ACACB: variants seen among roughly 807,000 people sequenced by gnomAD.
The protein encoded by ACACB is acetyl-CoA carboxylase beta.
Under a neutral mutation model 278.8 loss-of-function variants are expected in ACACB, and 209 were observed. The ratio of observed to expected loss-of-function variants is 0.75; its 90% CI spans 0.67 to 0.84. The LOEUF is 0.84. ACACB is among the 40% of genes least tolerant of loss of function. The pLI is 0.00. For synonymous variants in ACACB, 1,174 were observed against 1,285.6 expected, an observed-to-expected ratio of 0.91 and a Z score of 1.86; for missense variants, 2,850 against 3,269.0, an observed-to-expected ratio of 0.87 and a Z score of 3.13.
In ACACB at chr12:109,210,170, T is replaced by C. The variant is rs111219731; in HGVS notation, c.3249+817T>C. Among the ~76,000 whole-genome samples, 15 of 52,724 alleles carry C rather than the reference T, an allele frequency of 2.8e-4. 3 individuals are homozygous for C. The highest frequency in any genetic ancestry group is 1.2e-4 in the Non-Finnish European group (3 of 25,148). The allele number at this position is 52,724 out of a possible 152,430, so 34.6% of individuals were successfully genotyped here. On this transcript the variant is annotated intron_variant, in intron 21 of 52. Coordinates refer to ENST00000338432, the MANE Select transcript of ACACB (RefSeq NM_001093.4). Reference sequence around the variant, plus strand: ...ATATATACACACGTGTGTATATGTATATATGTATATATACACACGTGTGTA... The same window carrying C: ...ATATATACACACGTGTGTATATGTACATATGTATATATACACACGTGTGTA...
intron 9 of ACACB, among the ~76,000 whole-genome samples, chr12:109,178,445 G>T (rs2044347339): frequency 6.6e-6 from 1 of 152,172 alleles, no homozygotes; most frequent in African/African-American, 2.4e-5. Flanking sequence ...TTCATTCAAA[G>T]AAACTTTCTC....
intron 11 of ACACB, among the ~76,000 whole-genome samples, chr12:109,183,417 T>TG (rs2044546952): frequency 6.6e-6 from 1 of 152,242 alleles, no homozygotes; most frequent in Non-Finnish European, 1.5e-5. Context: ...ACCATGAACA[T>TG]GGAATATCTT....
At chr12:109,142,025 A>G (rs575131493) in intron 2 of ACACB, among the ~76,000 whole-genome samples, 2 of 152,260 alleles carry the variant, frequency 1.3e-5, no homozygotes, top group African/African-American at 4.8e-5. Flanking sequence ...AGGCAGGAGG[A>G]TCGCTTGAGG....
In ACACB at chr12:109,216,935, G is replaced by A. The variant is rs776624777; in HGVS notation, c.3564+15G>A. 3 of 1,611,828 alleles carry A rather than the reference G, an allele frequency of 1.9e-6. No individual in the cohort carries two copies. The South Asian group carries it at 3.3e-5, about 18-fold the overall frequency. Reference sequence around the variant, plus strand: ...TCATGTTGATCGTAAGCAGGAAGAGGGCCTGTTACTAGACTGGGGGTGGGT... The same window carrying A: ...TCATGTTGATCGTAAGCAGGAAGAGAGCCTGTTACTAGACTGGGGGTGGGT... On this transcript the variant is annotated intron_variant, in intron 24 of 52. Transcript: ENST00000338432.
intron 1 of ACACB, among the ~76,000 whole-genome samples, chr12:109,118,208 T>C (rs916251949): frequency 5.9e-5 from 9 of 152,210 alleles, no homozygotes; most frequent in Non-Finnish European, 1.2e-4. Flanking sequence ...TGTAACTTTC[T>C]TTCAGAAGCT....
intron 39 of ACACB, among the ~76,000 whole-genome samples, chr12:109,246,939 T>C (rs1382638387): frequency 1.3e-5 from 2 of 152,156 alleles, no homozygotes; most frequent in Non-Finnish European, 2.9e-5. Flanking sequence ...GTGAGCATGA[T>C]GGTGCCTGCC....
At chr12:109,130,371 A>G (rs967957852) in intron 1 of ACACB, among the ~76,000 whole-genome samples, 2 of 152,222 alleles carry the variant, frequency 1.3e-5, no homozygotes, top group African/African-American at 4.8e-5. Flanking sequence ...CAGAACCGAC[A>G]TGTGAACCCA....
intron 28 of ACACB, among the ~76,000 whole-genome samples, chr12:109,228,652 C>G (rs1047501165): frequency 6.4e-5 from 9 of 140,304 alleles, no homozygotes; most frequent in African/African-American, 2.5e-4. Flanking sequence ...GAGCGAAACT[C>G]TGTCTCAAAA....
chr12:109,244,686 G>A (rs576224205), intron 37 of ACACB, among the ~76,000 whole-genome samples: 40 of 152,016 alleles, frequency 2.6e-4, no homozygotes, highest in Admixed American at 2.0e-3. Flanking sequence ...TCAAACTCCC[G>A]GCCTCAGGTG....
chr12:109,211,504 C>T (rs1004870540), intron 21 of ACACB, among the ~76,000 whole-genome samples: 5 of 152,110 alleles, frequency 3.3e-5, no homozygotes, highest in East Asian at 3.9e-4. Context: ...CTGCCTGCCT[C>T]GGCCTCCCAG....
intron 16 of ACACB, 93 bp from the exon 17 acceptor site, chr12:109,196,915 G>A: frequency 7.3e-7 from 1 of 1,370,678 alleles, no homozygotes; most frequent in Non-Finnish European, 9.5e-7. Flanking sequence ...CTCTGTGGTG[G>A]ACAACCAGCT....
intron 11 of ACACB, among the ~76,000 whole-genome samples, chr12:109,185,062 G>A (rs150587112): frequency 6.6e-6 from 1 of 152,176 alleles, no homozygotes; most frequent in East Asian, 1.9e-4. Flanking sequence ...GTTTCTTCCT[G>A]GTTCGATTCC....
intron 1 of ACACB, among the ~76,000 whole-genome samples, chr12:109,124,521 C>T (rs2042630159): frequency 6.6e-6 from 1 of 152,176 alleles, no homozygotes; most frequent in African/African-American, 2.4e-5. Context: ...GATTTTTGTT[C>T]ATTAGTGAGT....
At chr12:109,162,770 A>G (rs7976552) in intron 2 of ACACB, among the ~76,000 whole-genome samples, 85,700 of 151,808 alleles carry the variant, frequency 0.56, 24,816 homozygotes, top group Middle Eastern at 0.72. Context: ...AGAAAGACAC[A>G]AAGATACTGA....
chr12:109,235,383 T>G lies in ACACB; in HGVS notation c.4404+14T>G. 1 of 1,611,010 alleles carries G rather than the reference T, an allele frequency of 6.2e-7. No individual in the cohort carries two copies. Among genetic ancestry groups the G allele is most frequent in the Non-Finnish European group, 8.5e-7 (1 of 1,177,146 alleles). On this transcript the variant is annotated intron_variant, in intron 32 of 52. Transcript: ENST00000338432. ...ATTGCCCAAGAGGTTAGTTCACAGT[T>G]CATCTCTATGAGTCTTTCCCATTCT...
rs1195739386 is a variant in ACACB at position 109,247,609 on chromosome 12, T to C, written c.5575T>C (p.Phe1859Leu). The change falls in exon 40 of 53, where the codon TTT becomes CTT. Residue 1859 changes from phenylalanine to leucine, a missense_variant. By Grantham distance (22) the Phe-to-Leu change is conservative. Coordinates refer to ENST00000338432, the MANE Select transcript of ACACB (RefSeq NM_001093.4). ...WVDPEDPHKG[F>L]KYLYLTPQDY... Reference sequence around the variant, plus strand: ...CCTCACTAAAGTATTTTTTAAGGGATTTAAATACCTGTACCTGACTCCCCA... The same window carrying C: ...CCTCACTAAAGTATTTTTTAAGGGACTTAAATACCTGTACCTGACTCCCCA... 6 of 1,612,740 alleles carry C rather than the reference T, an allele frequency of 3.7e-6. No homozygotes were observed. The highest frequency in any genetic ancestry group is 5.1e-6 in the Non-Finnish European group (6 of 1,178,974).
rs869303420 is a variant in ACACB, at chr12:109,166,649, C to CAAAAAAAAAAAAAAAA, written c.654-199_654-184dup. On this transcript the variant is annotated intron_variant, in intron 2 of 52. Coordinates refer to ENST00000338432, the MANE Select transcript of ACACB (RefSeq NM_001093.4). ...TAGGTGACAGAATGAGATCCCGTCT[C>CAAAAAAAAAAAAAAAA]AAAAAAAAAAAAAAAAAAAAAAAAA... is the stretch of plus-strand genomic sequence containing the variant. Among the ~76,000 whole-genome samples the CAAAAAAAAAAAAAAAA allele has an allele frequency of 2.0e-4, 5 of 25,062 alleles. 1 individual carries two copies. The highest frequency in any genetic ancestry group is 1.9e-4 in the Non-Finnish European group (3 of 15,570). 16.4% of individuals were successfully genotyped at this position (25,062 alleles called of 152,430 possible).
At chr12:109,148,391 T>G (rs1016224424) in intron 2 of ACACB, among the ~76,000 whole-genome samples, 13 of 152,300 alleles carry the variant, frequency 8.5e-5, no homozygotes, top group Non-Finnish European at 1.5e-4. Context: ...CTTCCTAGCT[T>G]GTACCCCGAC....
intron 42 of ACACB, 107 bp downstream of exon 42, chr12:109,252,263 C>A: frequency 2.8e-6 from 2 of 710,974 alleles, no homozygotes; most frequent in Non-Finnish European, 4.5e-6. Flanking sequence ...AAGCCAGTTT[C>A]ATTCCTACTG....
Sources: allele counts gnomAD v4.1 joint callset (sites outside exome capture counted in the v4.1 genomes callset), GRCh38; gene constraint gnomAD v4.1.1; transcripts MANE v1.5; gene names NCBI Gene and HGNC (gene_info 2026-07-23, HGNC 2026-07-21).